Variants in TMPPE observed in about 807,000 individuals in gnomAD.
TMPPE encodes the protein transmembrane protein with metallophosphoesterase domain.
In TMPPE, 16 loss-of-function variants were observed where a neutral mutation model predicts 22.6. That is an observed-to-expected ratio of 0.71 (90% CI 0.48 to 1.08). TMPPE has a LOEUF of 1.08. Ranked by LOEUF, TMPPE falls within the 50% of genes least tolerant of loss-of-function variation. The pLI, the probability that TMPPE is intolerant of heterozygous loss-of-function variation, is 0.00. For synonymous variants in TMPPE, 240 were observed against 245.3 expected, an observed-to-expected ratio of 0.98 and a Z score of 0.20; for missense variants, 526 against 584.3, an observed-to-expected ratio of 0.90 and a Z score of 1.03.
Position 33,094,301 on chromosome 3 carries a change from C to T in TMPPE, c.-106G>A. 2.7e-6 allele frequency: 4 copies of T among 1,493,930 alleles called. No homozygotes were observed. Among genetic ancestry groups the T allele is most frequent in the East Asian group, 2.3e-5 (1 of 42,956 alleles). The allele number at this position is 1,493,930 out of a possible 1,614,324, so 92.5% of individuals were successfully genotyped here. ...CAAGGAGAGGTTTCCAGGTCAACTC[C>T]GCCTGCAACCAGGAACCAGCATCAG... On this transcript the variant is annotated splice_region_variant and 5_prime_UTR_variant, in exon 2 of 2. Transcript: ENST00000342462.
rs1357225622 is a variant in TMPPE at position 33,091,119 on chromosome 3, G to C, written c.*1715C>G. 1.0e-6 allele frequency: 1 copy of C among 985,296 alleles called. No individual in the cohort carries two copies. The highest frequency in any genetic ancestry group is 1.7e-5 in the African/African-American group (1 of 57,208). 61.0% of individuals were successfully genotyped at this position (985,296 alleles called of 1,614,324 possible). On this transcript the variant is annotated 3_prime_UTR_variant, in exon 2 of 2. Transcript: ENST00000342462. ...AATCCAAAGCGAGAACTTAAAGGGA[G>C]TAAGGATGATTCACAAAATGCGGTC... is the stretch of plus-strand genomic sequence containing the variant.
rs1335524123 is a variant in TMPPE, at chr3:33,091,285, A to T, written c.*1549T>A. ...ATACCGTGGCTGCCTGGGAACAAAAAGGGTGGTCTCCAGATCCCCCAGAAC... is the reference window on the plus strand; with the variant it reads ...ATACCGTGGCTGCCTGGGAACAAAATGGGTGGTCTCCAGATCCCCCAGAAC... On this transcript the variant is annotated 3_prime_UTR_variant, in exon 2 of 2. Coordinates refer to ENST00000342462, the MANE Select transcript of TMPPE (RefSeq NM_001039770.3). 1.0e-6 allele frequency: 1 copy of T among 985,424 alleles called. No homozygotes were observed. The highest frequency in any genetic ancestry group is 1.2e-6 in the Non-Finnish European group (1 of 830,022). 61.0% of individuals were successfully genotyped at this position (985,424 alleles called of 1,614,324 possible). A position where few individuals can be genotyped will look rare whatever the true frequency, so the allele number is the denominator to read the frequency against.
rs551287893 is a variant in TMPPE at position 33,092,241 on chromosome 3, A to C, written c.*593T>G. 9 of 985,582 alleles carry C rather than the reference A, an allele frequency of 9.1e-6. No homozygotes were observed. The highest frequency in any genetic ancestry group is 1.7e-5 in the African/African-American group (1 of 57,242). 61.1% of individuals were successfully genotyped at this position (985,582 alleles called of 1,614,324 possible). A position where few individuals can be genotyped will look rare whatever the true frequency, so the allele number is the denominator to read the frequency against. On this transcript the variant is annotated 3_prime_UTR_variant, in exon 2 of 2. Coordinates refer to ENST00000342462, the MANE Select transcript of TMPPE (RefSeq NM_001039770.3). The stretch of plus-strand genomic sequence containing the variant: ...AGGCCTGGAACAGGAGGAGCTTTGC[A>C]TTCCAGTAGATTTTGCTGATGCCCT...
chr3:33,092,226 C>T lies in TMPPE; in HGVS notation c.*608G>A. On this transcript the variant is annotated 3_prime_UTR_variant, in exon 2 of 2. Coordinates refer to ENST00000342462, the MANE Select transcript of TMPPE (RefSeq NM_001039770.3). ...AAATAGCATCCCTCAAGGCCTGGAA[C>T]AGGAGGAGCTTTGCATTCCAGTAGA... 1.0e-6 allele frequency: 1 copy of T among 985,698 alleles called. No homozygotes were observed. The highest frequency in any genetic ancestry group is 1.2e-6 in the Non-Finnish European group (1 of 830,164). The allele number at this position is 985,698 out of a possible 1,614,324, so 61.1% of individuals were successfully genotyped here.
intron 1 of TMPPE, 120 bp from the exon 2 acceptor site, chr3:33,094,423 G>C (rs1053737252): frequency 1.7e-6 from 2 of 1,182,868 alleles, no homozygotes; most frequent in Admixed American, 3.6e-5. Context: ...TCAAATACCA[G>C]TCAGTTGCTA....
chr3:33,094,055 C>G lies in TMPPE; in HGVS notation c.141G>C (p.Gln47His). 6.2e-7 allele frequency: 1 copy of G among 1,614,234 alleles called. No homozygotes were observed. Among genetic ancestry groups the G allele is most frequent in the Non-Finnish European group, 8.5e-7 (1 of 1,180,044 alleles). Residue 47 changes from glutamine (Q) to histidine (H), a missense_variant, in exon 2 of 2, where the codon CAG (glutamine) becomes CAC (histidine). By Grantham distance (24) the Gln-to-His change is conservative. Coordinates refer to ENST00000342462, the MANE Select transcript of TMPPE (RefSeq NM_001039770.3). Reference sequence around the variant, plus strand: ...AGAGCGAGTTGACAAACAGGGCAAGCTGCAAGCGAAGCAGCCAACGCCAGG... The same window carrying G: ...AGAGCGAGTTGACAAACAGGGCAAGGTGCAAGCGAAGCAGCCAACGCCAGG... ...LRAWRWLLRLQLALFVNSLLL... is the reference protein window; with the variant it reads ...LRAWRWLLRLHLALFVNSLLL...
At position 33,093,308 on chromosome 3, in the gene TMPPE, A is replaced by G. The variant is rs377153033; in HGVS notation, c.888T>C (p.His296=). Residue 296 remains histidine, a synonymous_variant, in exon 2 of 2, where the codon CAT becomes CAC. Coordinates refer to ENST00000342462, the MANE Select transcript of TMPPE (RefSeq NM_001039770.3). This position sits in a 1 kb window ranked among gnomAD's most constrained non-coding sequence, Gnocchi z 6.0. ...CGTTCTCATTATGAAGAGGCTGGACATGCAGGGATTCCAGAAGTGCAAACC... is the reference window on the plus strand; with the variant it reads ...CGTTCTCATTATGAAGAGGCTGGACGTGCAGGGATTCCAGAAGTGCAAACC... ...SNWFALLESL[H]VQPLHNENVK... 1 of 1,614,104 alleles carries G rather than the reference A, an allele frequency of 6.2e-7. No homozygotes were observed.
chr3:33,093,016 C>A lies in TMPPE; in HGVS notation c.1180G>T (p.Ala394Ser). ...INLILSGHTH[A>S]GQIFPLNVAA... Reference sequence around the variant, plus strand: ...ACGTTCAAGGGGAAGATCTGCCCAGCATGTGTGTGCCCAGAAAGGATCAGG... The same window carrying A: ...ACGTTCAAGGGGAAGATCTGCCCAGAATGTGTGTGCCCAGAAAGGATCAGG... Residue 394 changes from alanine (A) to serine (S), a missense_variant, in exon 2 of 2, where the codon GCT becomes TCT. Transcript: ENST00000342462. This position sits in a 1 kb window ranked among gnomAD's most constrained non-coding sequence, Gnocchi z 6.0. The A allele has an allele frequency of 6.2e-7, 1 of 1,614,226 alleles. No individual in the cohort carries two copies. Among genetic ancestry groups the A allele is most frequent in the Non-Finnish European group, 8.5e-7 (1 of 1,180,042 alleles).
Position 33,094,153 on chromosome 3 carries a change from G to A in TMPPE, c.43C>T (p.Leu15=), listed in dbSNP as rs1700901851. ...RQLSLGAKAT[L]AAVTVFVSMI... ...GACACGAAGACAGTGACAGCAGCCA[G>A]GGTGGCCTTCGCGCCTAGGGACAGC... The change falls in exon 2 of 2, where the codon CTG becomes TTG. Residue 15 remains leucine, a synonymous_variant. Transcript: ENST00000342462. 2 of 1,612,612 alleles carry A rather than the reference G, an allele frequency of 1.2e-6. No homozygotes were observed. The highest frequency in any genetic ancestry group is 2.7e-5 in the African/African-American group (2 of 74,928).
In TMPPE at chr3:33,096,671, C is replaced by T. The variant is rs1290168628; in HGVS notation, c.-109+48G>A. ...CGGAGGCACCCTCTAACCCGCGCAA[C>T]TTGGAATCCCCTCCCGGAAAGCCAA... On this transcript the variant is annotated intron_variant, in intron 1 of 1. Coordinates refer to ENST00000342462, the MANE Select transcript of TMPPE (RefSeq NM_001039770.3). 11 of 1,137,992 alleles carry T rather than the reference C, an allele frequency of 9.7e-6. No individual in the cohort carries two copies. The African/African-American group carries it at 1.8e-4, about 19-fold the overall frequency. 70.5% of individuals were successfully genotyped at this position (1,137,992 alleles called of 1,614,324 possible). A position where few individuals can be genotyped will look rare whatever the true frequency, so the allele number is the denominator to read the frequency against.
Position 33,092,175 on chromosome 3 carries a change from C to T in TMPPE, c.*659G>A, listed in dbSNP as rs912558641. On this transcript the variant is annotated 3_prime_UTR_variant, in exon 2 of 2. Transcript: ENST00000342462. ...CCGTTCTTCTCCCCTGACCTTGCCC[C>T]CAAAGGCCCAGGAGCACAGACAGTT... 1.0e-6 allele frequency: 1 copy of T among 985,614 alleles called. No homozygotes were observed. Among genetic ancestry groups the T allele is most frequent in the Non-Finnish European group, 1.2e-6 (1 of 830,200 alleles). The allele number at this position is 985,614 out of a possible 1,614,324, so 61.1% of individuals were successfully genotyped here. A position where few individuals can be genotyped will look rare whatever the true frequency, so the allele number is the denominator to read the frequency against.
rs115764170 is a variant in TMPPE at position 33,092,580 on chromosome 3, G to C, written c.*254C>G. 1 of 1,255,360 alleles carries C rather than the reference G, an allele frequency of 8.0e-7. No individual in the cohort carries two copies. The highest frequency in any genetic ancestry group is 1.0e-6 in the Non-Finnish European group (1 of 998,376). The allele number at this position is 1,255,360 out of a possible 1,614,324, so 77.8% of individuals were successfully genotyped here. On this transcript the variant is annotated 3_prime_UTR_variant, in exon 2 of 2. Coordinates refer to ENST00000342462, the MANE Select transcript of TMPPE (RefSeq NM_001039770.3). ...TCCACATCATCTGGAAAATAGAGGG[G>C]AGTGCTAATATATGTGACCTTAGTG... is the stretch of plus-strand genomic sequence containing the variant.
intron 1 of TMPPE, 172 bp downstream of exon 1, chr3:33,096,547 A>G (rs1701037044): frequency 3.1e-6 from 3 of 982,558 alleles, no homozygotes; most frequent in South Asian, 4.7e-5. Context: ...AAATAACCCA[A>G]TGTTCCCACT....
chr3:33,095,723 C>T (rs147464217), intron 1 of TMPPE, among the ~76,000 whole-genome samples: 24 of 152,338 alleles, frequency 1.6e-4, no homozygotes, highest in Admixed American at 1.5e-3. Context: ...CCTACCCCCA[C>T]TCCCAGATAC....
In TMPPE at chr3:33,090,724, G is replaced by A; in HGVS notation, c.*2110C>T. 1.0e-6 allele frequency: 1 copy of A among 985,436 alleles called. No individual in the cohort carries two copies. Among genetic ancestry groups the A allele is most frequent in the South Asian group, 4.7e-5 (1 of 21,286 alleles). 61.0% of individuals were successfully genotyped at this position (985,436 alleles called of 1,614,324 possible). A position where few individuals can be genotyped will look rare whatever the true frequency, so the allele number is the denominator to read the frequency against. On this transcript the variant is annotated 3_prime_UTR_variant, in exon 2 of 2. Transcript: ENST00000342462. ...GGACAGTGATGGAGAAATTTCTGCT[G>A]CAAAAATGTCCGCCGCGTCAGGGAA... is the stretch of plus-strand genomic sequence containing the variant.
chr3:33,097,010 C>T lies in TMPPE; in HGVS notation c.-400G>A. ...CCCGTACCCGGGTCCCGCAGACTTA[C>T]GCGCAAGCCGCGCGTAGGGCCCAGA... is the stretch of plus-strand genomic sequence containing the variant. On this transcript the variant is annotated 5_prime_UTR_variant, in exon 1 of 2. Transcript: ENST00000342462. 6.2e-7 allele frequency: 1 copy of T among 1,611,684 alleles called. No individual in the cohort carries two copies. Among genetic ancestry groups the T allele is most frequent in the Non-Finnish European group, 8.5e-7 (1 of 1,178,734 alleles).
chr3:33,096,317 C>A, intron 1 of TMPPE: 1 of 908,560 alleles, frequency 1.1e-6, no homozygotes, highest in Non-Finnish European at 1.3e-6. Flanking sequence ...CTCCCACCAA[C>A]TGTGCACGCC....
Position 33,096,773 on chromosome 3 carries a change from C to A in TMPPE, c.-163G>T, listed in dbSNP as rs922181132. ...AAGTGGATCCAAGCGCAAAGGGCGG[C>A]CGGAGCGGAACGCACAAGCGACCGA... is the stretch of plus-strand genomic sequence containing the variant. On this transcript the variant is annotated 5_prime_UTR_variant, in exon 1 of 2. Transcript: ENST00000342462. 61 of 1,326,994 alleles carry A rather than the reference C, an allele frequency of 4.6e-5. No homozygotes were observed. The highest frequency in any genetic ancestry group is 4.4e-5 in the Non-Finnish European group (46 of 1,042,928). The allele number at this position is 1,326,994 out of a possible 1,614,324, so 82.2% of individuals were successfully genotyped here. A position where few individuals can be genotyped will look rare whatever the true frequency, so the allele number is the denominator to read the frequency against.
In TMPPE at chr3:33,093,871, C is replaced by T. The variant is rs753310371; in HGVS notation, c.325G>A (p.Glu109Lys). Residue 109 changes from glutamate (E) to lysine (K), a missense_variant, in exon 2 of 2, where the codon GAA (glutamate) becomes AAA (lysine). Glu to Lys is a moderately conservative substitution (Grantham distance 56). Transcript: ENST00000342462. The surrounding 1 kb of genome is among the most constrained non-coding windows in gnomAD (Gnocchi z 6.0). ...SFFTMFFLVA[E>K]EPYLFSLAAY... is the part of the protein sequence containing the mutation. ...GCCAAGGAAAAGAGATAGGGCTCTT[C>T]GGCCACTAAAAAGAACATGGTAAAG... 1.2e-5 allele frequency: 20 copies of T among 1,613,674 alleles called. No homozygotes were observed. Among genetic ancestry groups the T allele is most frequent in the African/African-American group, 8.0e-5 (6 of 75,048 alleles).
Sources: gnomAD v4.1 joint callset for allele counts (sites outside exome capture counted in the v4.1 genomes callset) on GRCh38, gnomAD v4.1.1 for gene constraint, Gnocchi (gnomAD v3.1) non-coding constraint, MANE v1.5 for transcripts, NCBI Gene and HGNC (gene_info 2026-07-23, HGNC 2026-07-21) for gene names.